KCNT2: variants seen among roughly 807,000 people sequenced by gnomAD.
KCNT2 encodes the protein potassium channel subfamily T member 2.
KCNT2 carries 67 observed loss-of-function variants against 153.8 expected under a neutral mutation model. The observed-to-expected ratio is 0.44, with a 90% CI of 0.36 to 0.53. The LOEUF is 0.53. Ranked by LOEUF, KCNT2 falls within the 20% of genes least tolerant of loss-of-function variation. KCNT2 has a pLI of 0.00. For missense variants in KCNT2, 975 were observed against 1,354.8 expected, an observed-to-expected ratio of 0.72 and a Z score of 4.40; for synonymous variants, 500 against 458.8, an observed-to-expected ratio of 1.09 and a Z score of -1.15.
At chr1:196,290,452 G>A (rs1165654219) in intron 22 of KCNT2, among the ~76,000 whole-genome samples, 1 of 151,436 alleles carries the variant, frequency 6.6e-6, no homozygotes, top group Non-Finnish European at 1.5e-5. Context: ...CTTCCTTATG[G>A]CTCTCTAAGC....
At chr1:196,527,799 G>T (rs115736998) in intron 1 of KCNT2, among the ~76,000 whole-genome samples, 1,710 of 152,270 alleles carry the variant, frequency 0.011, 33 homozygotes, top group African/African-American at 0.039. Context: ...TAATTCCTAT[G>T]AACGGAGGTA....
chr1:196,425,170 T>C (rs562803324), intron 11 of KCNT2, among the ~76,000 whole-genome samples: 1 of 152,156 alleles, frequency 6.6e-6, no homozygotes, highest in South Asian at 2.1e-4. Context: ...ACTCTGTTTC[T>C]GTGGTGTCCA....
At chr1:196,564,252 C>A (rs1157844732) in intron 1 of KCNT2, among the ~76,000 whole-genome samples, 1 of 151,622 alleles carries the variant, frequency 6.6e-6, no homozygotes, top group Non-Finnish European at 1.5e-5. Flanking sequence ...ATTCTTAATC[C>A]TGTTTATAAT....
chr1:196,346,258 C>A (rs904509289), intron 14 of KCNT2, among the ~76,000 whole-genome samples: 1 of 152,084 alleles, frequency 6.6e-6, no homozygotes, highest in African/African-American at 2.4e-5. Flanking sequence ...ACATAAGCTT[C>A]CCCTATCCCC....
Position 196,429,776 on chromosome 1 carries a change from A to C in KCNT2, c.639-19T>G. 1 of 1,538,924 alleles carries C rather than the reference A, an allele frequency of 6.5e-7. No individual in the cohort carries two copies. The highest frequency in any genetic ancestry group is 1.2e-5 in the South Asian group (1 of 82,832). ...ACAAATGCTAAAGAAACAAATATGC[A>C]TTACAATTAAATCTTTCAAACTGGA... On this transcript the variant is annotated intron_variant, in intron 8 of 27. Transcript: ENST00000294725.
In KCNT2 at chr1:196,577,688, G is replaced by A. The variant is rs565655337; in HGVS notation, c.95+30527C>T. ...AAAACCTCAAGATTCCGAGAGCACT[G>A]GTTAGAGTCCTCACAAGGGTCTTGC... On this transcript the variant is annotated intron_variant, in intron 1 of 27. Coordinates refer to ENST00000294725, the MANE Select transcript of KCNT2 (RefSeq NM_198503.5). Among the ~76,000 whole-genome samples, 4 of 152,254 alleles carry A rather than the reference G, an allele frequency of 2.6e-5. No homozygotes were observed. The South Asian group carries it at 8.3e-4, about 32-fold the overall frequency.
intron 20 of KCNT2, chr1:196,317,053 G>T: frequency 4.8e-6 from 1 of 210,048 alleles, no homozygotes; most frequent in Non-Finnish European, 1.0e-5. Context: ...AGTCCCTGAG[G>T]ATCTTTTCCA....
chr1:196,549,973 G>A lies in KCNT2; in HGVS notation c.96-57632C>T, dbSNP rs78167780. ...GTAGCAACGAAGTGGAGATGAGAAG[G>A]CCCCAAAGACAGACATCATGTACTT... On this transcript the variant is annotated intron_variant, in intron 1 of 27. Coordinates refer to ENST00000294725, the MANE Select transcript of KCNT2 (RefSeq NM_198503.5). 4.2e-3 allele frequency among the ~76,000 whole-genome samples: 642 copies of A among 151,900 alleles called. 5 individuals carry two copies. The highest frequency in any genetic ancestry group is 0.014 in the African/African-American group (595 of 41,464).
intron 1 of KCNT2, among the ~76,000 whole-genome samples, chr1:196,522,223 C>T (rs192177328): frequency 6.2e-4 from 95 of 152,232 alleles, no homozygotes; most frequent in African/African-American, 2.2e-3. Context: ...TGCTTGTAAA[C>T]TTCTTTATGT....
rs543696746 is a variant in KCNT2, at chr1:196,405,020, A to C, written c.1186-6349T>G. The stretch of plus-strand genomic sequence containing the variant: ...TTTTATGCCCTCACAAAACAGAACA[A>C]ACATCAGTAATTTTGAGTGGGTCAT... On this transcript the variant is annotated intron_variant, in intron 12 of 27. Coordinates refer to ENST00000294725, the MANE Select transcript of KCNT2 (RefSeq NM_198503.5). Among the ~76,000 whole-genome samples the C allele has an allele frequency of 2.0e-5, 3 of 151,712 alleles. No individual in the cohort carries two copies. In the East Asian group the frequency reaches 5.9e-4, roughly 30 times the overall value.
At chr1:196,497,300 C>T (rs1680331596) in intron 1 of KCNT2, among the ~76,000 whole-genome samples, 1 of 152,058 alleles carries the variant, frequency 6.6e-6, no homozygotes. Flanking sequence ...ATTTACATAA[C>T]TTTCATGTTT....
chr1:196,256,018 A>C (rs1417060518), intron 26 of KCNT2, among the ~76,000 whole-genome samples: 1 of 151,926 alleles, frequency 6.6e-6, no homozygotes, highest in Non-Finnish European at 1.5e-5. Context: ...TAATCTCTCA[A>C]AAGGCAAATA....
intron 1 of KCNT2, among the ~76,000 whole-genome samples, chr1:196,513,479 A>G (rs894645889): frequency 6.6e-6 from 1 of 152,218 alleles, no homozygotes; most frequent in Non-Finnish European, 1.5e-5. Context: ...TAATATGAAT[A>G]ATCTAGCACA....
chr1:196,289,384 C>T (rs186698725), intron 22 of KCNT2, among the ~76,000 whole-genome samples: 152 of 152,138 alleles, frequency 1.0e-3, no homozygotes, highest in Non-Finnish European at 1.9e-3. Context: ...TCAGCTAGAT[C>T]CTATGTTCCA....
At chr1:196,373,617 T>C (rs988166450) in intron 13 of KCNT2, among the ~76,000 whole-genome samples, 2 of 151,874 alleles carry the variant, frequency 1.3e-5, no homozygotes, top group African/African-American at 4.8e-5. Flanking sequence ...TCTCCTTTTG[T>C]TCTGATAATT....
intron 12 of KCNT2, among the ~76,000 whole-genome samples, chr1:196,421,422 C>T (rs1465630067): frequency 6.6e-6 from 1 of 151,934 alleles, no homozygotes; most frequent in African/African-American, 2.4e-5. Context: ...CTCGAGGGGG[C>T]ACAACACTCA....
chr1:196,239,170 TA>T (rs1420009866), intron 26 of KCNT2, among the ~76,000 whole-genome samples: 1 of 151,906 alleles, frequency 6.6e-6, no homozygotes, highest in Non-Finnish European at 1.5e-5. Context: ...TCTTACCAAA[TA>T]AAAATATATA....
chr1:196,355,041 G>A (rs566028814), intron 14 of KCNT2, among the ~76,000 whole-genome samples: 65 of 151,640 alleles, frequency 4.3e-4, no homozygotes, highest in Non-Finnish European at 5.9e-4. Flanking sequence ...TTTACGGTAC[G>A]GGGGTATGTG....
intron 14 of KCNT2, among the ~76,000 whole-genome samples, chr1:196,359,765 C>T (rs1002628598): frequency 6.6e-6 from 1 of 151,436 alleles, no homozygotes; most frequent in Admixed American, 6.6e-5. Flanking sequence ...TTTAACAAAA[C>T]CTTCTAGGAA....
Sources: allele counts gnomAD v4.1 joint callset (sites outside exome capture counted in the v4.1 genomes callset), GRCh38; gene constraint gnomAD v4.1.1; transcripts MANE v1.5; gene names NCBI Gene and HGNC (gene_info 2026-07-23, HGNC 2026-07-21).